The following ERAP1 variants were observed in gnomAD, a reference collection of about 807,000 sequenced individuals.
The protein encoded by ERAP1 is endoplasmic reticulum aminopeptidase 1.
In ERAP1, 86 loss-of-function variants were observed where a neutral mutation model predicts 103.7. The observed-to-expected ratio is 0.83, with a 90% confidence interval of 0.70 to 0.99. ERAP1 has a LOEUF of 0.99. Ranked by LOEUF, ERAP1 falls within the 50% of genes least tolerant of loss-of-function variation. The probability of loss-of-function intolerance (pLI) is 0.00; values close to 1 mark genes in which losing one functional copy is unlikely to be tolerated. For missense variants in ERAP1, 1,009 were observed against 1,128.4 expected (o/e 0.89, Z 1.52); for synonymous variants, 398 against 402.4 (o/e 0.99, Z 0.13).
Position 96,785,808 on chromosome 5 carries a change from G to GT in ERAP1, c.1922dup (p.Asn641LysfsTer15). Reference sequence around the variant, plus strand: ...ATTACCTGACGAGCTGAAATGCATTGTTAATGAGACTCGCCCGATCATTAC... The same window carrying GT: ...ATTACCTGACGAGCTGAAATGCATTGTTTAATGAGACTCGCCCGATCATTAC... On this transcript the variant is annotated frameshift_variant, in exon 13 of 19. Transcript: ENST00000443439. LOFTEE classifies it high-confidence loss of function. 1.2e-6 allele frequency: 2 copies of GT among 1,614,114 alleles called. No individual in the cohort carries two copies. Among genetic ancestry groups the GT allele is most frequent in the Non-Finnish European group, 1.7e-6 (2 of 1,179,994 alleles).
At chr5:96,929,392 G>A in the ERAP1 span, among the ~76,000 whole-genome samples, 18 of 152,182 alleles carry the variant, frequency 1.2e-4, no homozygotes, top group Non-Finnish European at 2.2e-4. Context: ...AAATAAGTTA[G>A]ATCTACTTTT....
At chr5:96,811,686 C>A (rs1012689322), upstream of ERAP1, among the ~76,000 whole-genome samples, 1 of 152,218 alleles carries the variant, frequency 6.6e-6, no homozygotes, top group Non-Finnish European at 1.5e-5. Context: ...TGGGAGCGAG[C>A]AATGTATGCC....
the ERAP1 span, chr5:96,909,085 A>G: frequency 6.2e-7 from 1 of 1,614,140 alleles, no homozygotes; most frequent in Non-Finnish European, 8.5e-7. Flanking sequence ...GATGGACAGA[A>G]GGAATATTTC....
At chr5:96,930,133 C>T in the ERAP1 span, among the ~76,000 whole-genome samples, 181 of 152,314 alleles carry the variant, frequency 1.2e-3, no homozygotes, top group African/African-American at 4.2e-3. Flanking sequence ...CCTTTCTTCC[C>T]TAAGGGCTAA....
At chr5:96,851,469 C>T in the ERAP1 span, among the ~76,000 whole-genome samples, 4 of 152,296 alleles carry the variant, frequency 2.6e-5, no homozygotes, top group Non-Finnish European at 2.9e-5. Context: ...CAGCATTTAG[C>T]ACGGTCTCCT....
the ERAP1 span, among the ~76,000 whole-genome samples, chr5:96,911,877 AAAAAG>A: frequency 2.0e-5 from 3 of 147,218 alleles, no homozygotes; most frequent in East Asian, 3.9e-4. Flanking sequence ...AAAAAAAAAA[AAAAAG>A]AAAGAAAGAA....
At chr5:96,769,779 G>A (rs1187621330), downstream of ERAP1, 1 of 149,952 alleles carries the variant, frequency 6.7e-6, no homozygotes, top group Non-Finnish European at 1.5e-5. Context: ...TATTCTCTGT[G>A]TTTTTGAGCT....
chr5:96,807,412 C>T (rs960642501), intron 1 of ERAP1, among the ~76,000 whole-genome samples: 1 of 152,208 alleles, frequency 6.6e-6, no homozygotes, highest in Non-Finnish European at 1.5e-5. Flanking sequence ...AGCCAGCTGC[C>T]CGCCCCACCC....
At chr5:96,856,478 G>A in the ERAP1 span, among the ~76,000 whole-genome samples, 3 of 150,910 alleles carry the variant, frequency 2.0e-5, no homozygotes, top group Non-Finnish European at 4.4e-5. Flanking sequence ...TGCTGTTTGA[G>A]CTATTTGACA....
chr5:96,848,783 T>C, the ERAP1 span: 1 of 152,000 alleles, frequency 6.6e-6, no homozygotes, highest in African/African-American at 2.4e-5. Flanking sequence ...ACTGTTTTTA[T>C]GAGGCCAGCA....
At chr5:96,808,497 T>G (rs1664816488), upstream of ERAP1, among the ~76,000 whole-genome samples, 1 of 151,930 alleles carries the variant, frequency 6.6e-6, no homozygotes, top group Non-Finnish European at 1.5e-5. Context: ...ATGAACCCAG[T>G]ACTCTGTCGT....
chr5:96,915,173 A>G, the ERAP1 span, among the ~76,000 whole-genome samples: 1 of 152,102 alleles, frequency 6.6e-6, no homozygotes, highest in Admixed American at 6.6e-5. Context: ...ATGCCCAGCT[A>G]ATTTTTTTGT....
chr5:96,811,116 A>T (rs1779124048), upstream of ERAP1, among the ~76,000 whole-genome samples: 1 of 152,136 alleles, frequency 6.6e-6, no homozygotes, highest in Admixed American at 6.5e-5. Context: ...TTAAAAAAAA[A>T]TAATAATGCC....
chr5:96,860,901 G>A, the ERAP1 span, among the ~76,000 whole-genome samples: 7 of 151,992 alleles, frequency 4.6e-5, no homozygotes, highest in African/African-American at 1.4e-4. Flanking sequence ...AGTAATGTGC[G>A]ACTTCAATTT....
At chr5:96,930,346 C>T in the ERAP1 span, among the ~76,000 whole-genome samples, 4 of 152,348 alleles carry the variant, frequency 2.6e-5, no homozygotes, top group South Asian at 8.3e-4. Context: ...ATCATGTTAA[C>T]ACTGCCATTT....
the ERAP1 span, among the ~76,000 whole-genome samples, chr5:96,853,235 T>A: frequency 6.6e-6 from 1 of 152,174 alleles, no homozygotes; most frequent in Non-Finnish European, 1.5e-5. Context: ...ATAGCCAAAC[T>A]TTATTCTCTA....
Position 96,803,608 on chromosome 5 carries a change from G to A in ERAP1, c.319C>T (p.Leu107Phe). ...SHHLQISRAT[L>F]RKGAGERLSE... Reference sequence around the variant, plus strand: ...AGCCTCTCTCCAGCTCCCTTCCTGAGGGTGGCCCTAGATATCTGCAGGTGG... The same window carrying A: ...AGCCTCTCTCCAGCTCCCTTCCTGAAGGTGGCCCTAGATATCTGCAGGTGG... The change falls in exon 2 of 19, where the codon CTC (leucine) becomes TTC (phenylalanine). Residue 107 changes from leucine (L) to phenylalanine (F), a missense_variant. Transcript: ENST00000443439. The A allele has an allele frequency of 6.2e-7, 1 of 1,614,194 alleles. No homozygotes were observed. Among genetic ancestry groups the A allele is most frequent in the Non-Finnish European group, 8.5e-7 (1 of 1,180,040 alleles).
At chr5:96,859,008 T>A in the ERAP1 span, among the ~76,000 whole-genome samples, 2 of 150,928 alleles carry the variant, frequency 1.3e-5, no homozygotes, top group African/African-American at 4.9e-5. Flanking sequence ...GTTGCTACAA[T>A]TCCAAAAGAA....
At chr5:96,898,704 A>G in the ERAP1 span, among the ~76,000 whole-genome samples, 1 of 152,004 alleles carries the variant, frequency 6.6e-6, no homozygotes, top group Non-Finnish European at 1.5e-5. Context: ...ACACCACTGG[A>G]CTCCAGCCTG....
Sources: allele counts gnomAD v4.1 joint callset (sites outside exome capture counted in the v4.1 genomes callset), GRCh38; gene constraint gnomAD v4.1.1; transcripts MANE v1.5; gene names NCBI Gene and HGNC (gene_info 2026-07-23, HGNC 2026-07-21).